MAP3K5: variants seen among roughly 807,000 people sequenced by gnomAD.
MAP3K5 encodes the protein ASK-1.
Under a neutral mutation model 158.7 loss-of-function variants are expected in MAP3K5, and 56 were observed. The observed-to-expected ratio is 0.35, with a 90% CI of 0.28 to 0.44. The LOEUF is 0.44. Among genes scored for constraint, MAP3K5 ranks in the 20% least tolerant of loss-of-function variants. The pLI is 1.00. For synonymous variants in MAP3K5, 579 were observed against 601.7 expected (o/e 0.96, Z 0.55); for missense variants, 1,294 against 1,674.8 (o/e 0.77, Z 3.97).
At chr6:136,662,891 T>C (rs947959410) in intron 8 of MAP3K5, among the ~76,000 whole-genome samples, 18 of 152,332 alleles carry the variant, frequency 1.2e-4, no homozygotes, top group African/African-American at 4.1e-4. Context: ...ACCATTTATT[T>C]GATTCAGTTG....
intron 26 of MAP3K5, among the ~76,000 whole-genome samples, chr6:136,567,428 G>A (rs761722168): frequency 6.6e-6 from 1 of 152,184 alleles, no homozygotes; most frequent in African/African-American, 2.4e-5. Flanking sequence ...ATCAAATGCC[G>A]CTGAAAAAGG....
Position 136,694,154 on chromosome 6 carries a change from G to T in MAP3K5, c.1239C>A (p.Asp413Glu). Residue 413 changes from aspartate to glutamate, a missense_variant, in exon 7 of 30, where the codon GAC (aspartate) becomes GAA (glutamate). Physicochemically the swap from Asp to Glu is conservative, Grantham distance 45 (BLOSUM62 2). Transcript: ENST00000359015. The part of the protein sequence containing the change: ...DSNFTDTESR[D>E]HGASWFKKAF... The stretch of plus-strand genomic sequence containing the variant: ...TATTTACTTACCAAGAAGCTCCATG[G>T]TCTCTGCTTTCAGTGTCCGTGAAAT... 2 of 1,612,582 alleles carry T rather than the reference G, an allele frequency of 1.2e-6. No homozygotes were observed. Among genetic ancestry groups the T allele is most frequent in the Non-Finnish European group, 1.7e-6 (2 of 1,179,500 alleles).
intron 10 of MAP3K5, among the ~76,000 whole-genome samples, chr6:136,655,247 T>C (rs908554598): frequency 4.6e-5 from 7 of 152,230 alleles, no homozygotes; most frequent in Non-Finnish European, 8.8e-5. Context: ...CTTCTTTCAC[T>C]ACATTTACTG....
chr6:136,579,379 C>G (rs949883669), intron 25 of MAP3K5, among the ~76,000 whole-genome samples: 1 of 152,218 alleles, frequency 6.6e-6, no homozygotes, highest in African/African-American at 2.4e-5. Flanking sequence ...TTCATCAACA[C>G]TACCCCTTTT....
At chr6:136,588,947 G>T (rs1775260831) in intron 23 of MAP3K5, among the ~76,000 whole-genome samples, 1 of 152,216 alleles carries the variant, frequency 6.6e-6, no homozygotes, top group Admixed American at 6.5e-5. Flanking sequence ...TTTTGAGAGT[G>T]TGTAGAAAAC....
intron 24 of MAP3K5, among the ~76,000 whole-genome samples, chr6:136,582,425 G>A (rs537431750): frequency 6.6e-6 from 1 of 152,152 alleles, no homozygotes; most frequent in Admixed American, 6.5e-5. Context: ...GTGCAAATTA[G>A]CTAAATTATT....
Position 136,650,485 on chromosome 6 carries a change from G to A in MAP3K5, c.1788+499C>T, listed in dbSNP as rs1778470936. Among the ~76,000 whole-genome samples the A allele has an allele frequency of 2.0e-5, 3 of 152,228 alleles. No individual in the cohort carries two copies. The South Asian group carries it at 6.2e-4, about 31-fold the overall frequency. On this transcript the variant is annotated intron_variant, in intron 11 of 29. Transcript: ENST00000359015. The stretch of plus-strand genomic sequence containing the variant: ...CTTTCTCAAAATAGGTGGTCGCACA[G>A]CCCACCTCACTTTGTGCACAGCACA...
chr6:136,646,049 C>T (rs980172685), intron 11 of MAP3K5, among the ~76,000 whole-genome samples: 1 of 152,010 alleles, frequency 6.6e-6, no homozygotes, highest in Non-Finnish European at 1.5e-5. Context: ...GTCCTCCTTC[C>T]AATTTTACCA....
intron 23 of MAP3K5, among the ~76,000 whole-genome samples, chr6:136,587,103 CTT>C (rs936899293): frequency 5.9e-5 from 9 of 152,154 alleles, no homozygotes; most frequent in Non-Finnish European, 1.2e-4. Flanking sequence ...GCTCTCCAGT[CTT>C]TATCCTTTAA....
intron 2 of MAP3K5, among the ~76,000 whole-genome samples, chr6:136,710,277 G>A (rs1455708266): frequency 6.6e-6 from 1 of 152,154 alleles, no homozygotes; most frequent in Non-Finnish European, 1.5e-5. Context: ...TTCCTCTCAA[G>A]TACCTATGAA....
rs779795211 is a variant in MAP3K5, at chr6:136,592,534, G to T, written c.2959C>A (p.Pro987Thr). The change falls in exon 22 of 30, where the codon CCC becomes ACC. Residue 987 changes from proline (P) to threonine (T), a missense_variant. Pro to Thr is a conservative substitution (Grantham distance 38). Coordinates refer to ENST00000359015, the MANE Select transcript of MAP3K5 (RefSeq NM_005923.4). ...SSSSEYGSVS[P>T]DTELKVDPFS... The stretch of plus-strand genomic sequence containing the variant: ...GGGTCCACTTTCAACTCCGTGTCGG[G>T]TGAAACTGAGCCGTACTCACTGCTG... 1.2e-6 allele frequency: 2 copies of T among 1,608,916 alleles called. No homozygotes were observed. Among genetic ancestry groups the T allele is most frequent in the Non-Finnish European group, 1.7e-6 (2 of 1,175,322 alleles).
chr6:136,639,377 C>CA (rs1055643722), intron 13 of MAP3K5, among the ~76,000 whole-genome samples, 166 bp downstream of exon 13: 1 of 151,416 alleles, frequency 6.6e-6, no homozygotes, highest in Non-Finnish European at 1.5e-5. Flanking sequence ...AACCCCCCCC[C>CA]AAAATCTGTT....
chr6:136,750,870 C>A (rs1420258711), intron 1 of MAP3K5, among the ~76,000 whole-genome samples: 1 of 152,182 alleles, frequency 6.6e-6, no homozygotes, highest in Non-Finnish European at 1.5e-5. Flanking sequence ...CACAAATATT[C>A]CTACTTAGTA....
chr6:136,627,160 A>G (rs766820476), intron 14 of MAP3K5, among the ~76,000 whole-genome samples: 1 of 152,080 alleles, frequency 6.6e-6, no homozygotes, highest in African/African-American at 2.4e-5. Context: ...TTTCAAATTT[A>G]TTGCCAACTG....
chr6:136,745,994 G>C (rs1393177136), intron 1 of MAP3K5, among the ~76,000 whole-genome samples: 1 of 152,150 alleles, frequency 6.6e-6, no homozygotes, highest in Non-Finnish European at 1.5e-5. Flanking sequence ...TGCATAGCCT[G>C]GAAACAGGGT....
At chr6:136,576,480 T>C (rs1249663670) in intron 25 of MAP3K5, among the ~76,000 whole-genome samples, 2 of 152,152 alleles carry the variant, frequency 1.3e-5, no homozygotes, top group Admixed American at 6.6e-5. Context: ...TAATTTATTT[T>C]TATTTTTTTA....
intron 2 of MAP3K5, among the ~76,000 whole-genome samples, chr6:136,716,406 T>C (rs969085767): frequency 2.6e-5 from 4 of 152,070 alleles, no homozygotes; most frequent in Non-Finnish European, 4.4e-5. Flanking sequence ...CCTTTAAAAG[T>C]AGCATTGTTT....
At chr6:136,658,313 C>CTTTT (rs57535051) in intron 9 of MAP3K5, among the ~76,000 whole-genome samples, 1,196 of 90,362 alleles carry the variant, frequency 0.013, 28 homozygotes, top group African/African-American at 0.038. Flanking sequence ...TTCTTTCTTT[C>CTTTT]TTTTTTTTTT....
chr6:136,578,781 C>T (rs1052915189), intron 25 of MAP3K5, among the ~76,000 whole-genome samples: 3 of 151,838 alleles, frequency 2.0e-5, no homozygotes, highest in Non-Finnish European at 4.4e-5. Context: ...TGTCAAACAC[C>T]CAAGTGTTCT....
Sources: gnomAD v4.1 joint callset for allele counts (sites outside exome capture counted in the v4.1 genomes callset) on GRCh38, gnomAD v4.1.1 for gene constraint, MANE v1.5 for transcripts, NCBI Gene and HGNC (gene_info 2026-07-23, HGNC 2026-07-21) for gene names.